SNX29: variants seen among roughly 807,000 people sequenced by gnomAD.
The protein encoded by SNX29 is sorting nexin 29, also known as sorting nexin-29.
Under a neutral mutation model 102.1 loss-of-function variants are expected in SNX29, and 78 were observed. That is an observed-to-expected ratio of 0.76 (90% CI 0.64 to 0.92). SNX29 has a LOEUF of 0.92. Among genes scored for constraint, SNX29 ranks in the 40% least tolerant of loss-of-function variants. The probability of loss-of-function intolerance (pLI) is 0.00; values close to 1 mark genes in which losing one functional copy is unlikely to be tolerated. For synonymous variants in SNX29, 580 were observed against 414.5 expected (o/e 1.40, Z -4.85); for missense variants, 1,280 against 1,061.7 (o/e 1.21, Z -2.86).
At chr16:12,463,273 T>G (rs1211673849) in intron 18 of SNX29, among the ~76,000 whole-genome samples, 1 of 152,114 alleles carries the variant, frequency 6.6e-6, no homozygotes, top group African/African-American at 2.4e-5. Flanking sequence ...AGGCTAGAAG[T>G]TTTTCATTGC....
intron 13 of SNX29, among the ~76,000 whole-genome samples, chr16:12,198,007 C>G (rs1337517955): frequency 6.6e-6 from 1 of 152,078 alleles, no homozygotes; most frequent in East Asian, 1.9e-4. Flanking sequence ...CAGTGTTTGG[C>G]GTATCTATAG....
intron 18 of SNX29, chr16:12,442,983 A>C: frequency 2.2e-6 from 1 of 455,528 alleles, no homozygotes; most frequent in Non-Finnish European, 4.4e-6. Flanking sequence ...TTTTCTTTTG[A>C]TTTTTTTCCA....
intron 20 of SNX29, chr16:12,526,926 G>C: frequency 2.5e-6 from 1 of 393,092 alleles, no homozygotes; most frequent in Non-Finnish European, 4.8e-6. Flanking sequence ...AGTCAGCACG[G>C]AGAGAGAAAC....
At position 12,491,512 on chromosome 16, in the gene SNX29, T is replaced by TG. The variant is rs35848047; in HGVS notation, c.2178+13653_2178+13654insG. Among the ~76,000 whole-genome samples, 373 of 151,070 alleles carry TG rather than the reference T, an allele frequency of 2.5e-3. 3 individuals carry two copies. The highest frequency in any genetic ancestry group is 6.8e-3 in the Middle Eastern group (2 of 294). On this transcript the variant is annotated intron_variant, in intron 19 of 20. Transcript: ENST00000566228. Reference sequence around the variant, plus strand: ...TATCTCATTTTGTTGCTGCTGTTGTTTTTTTTTATGTGACTTATTTTTTTT... The same window carrying TG: ...TATCTCATTTTGTTGCTGCTGTTGTTGTTTTTTTATGTGACTTATTTTTTTT...
chr16:12,262,102 T>A (rs1567370860), intron 14 of SNX29, among the ~76,000 whole-genome samples: 1 of 149,288 alleles, frequency 6.7e-6, no homozygotes, highest in Non-Finnish European at 1.5e-5. Context: ...CTGAAGTAAG[T>A]GTTTGCTCTG....
At chr16:12,546,047 A>C (rs927130706) in intron 20 of SNX29, among the ~76,000 whole-genome samples, 1 of 152,184 alleles carries the variant, frequency 6.6e-6, no homozygotes, top group Non-Finnish European at 1.5e-5. Context: ...AGTACACATG[A>C]TGGGAGTGAA....
intron 13 of SNX29, among the ~76,000 whole-genome samples, chr16:12,133,245 T>G (rs1190141391): frequency 6.6e-6 from 1 of 151,246 alleles, no homozygotes; most frequent in Non-Finnish European, 1.5e-5. Flanking sequence ...CTTGGATGAA[T>G]TACTTAACTT....
intron 20 of SNX29, among the ~76,000 whole-genome samples, chr16:12,542,022 G>A (rs1409533402): frequency 1.3e-5 from 2 of 152,098 alleles, no homozygotes; most frequent in Admixed American, 6.6e-5. Flanking sequence ...GCACCGCTCT[G>A]TTTTTTCTTT....
chr16:12,512,923 G>A (rs149840284), intron 19 of SNX29, among the ~76,000 whole-genome samples: 7 of 152,256 alleles, frequency 4.6e-5, no homozygotes, highest in Non-Finnish European at 8.8e-5. Flanking sequence ...CAAAGCACTT[G>A]TTTGGGAAGT....
At position 12,498,280 on chromosome 16, in the gene SNX29, G is replaced by A. The variant is rs9936453; in HGVS notation, c.2178+20421G>A. On this transcript the variant is annotated intron_variant, in intron 19 of 20. Transcript: ENST00000566228. ...GGTACACGTGGCAGAGCATGTGCAC[G>A]TTAGCAGGTGAGGCAAAACAGCAAG... 3.2e-3 allele frequency among the ~76,000 whole-genome samples: 489 copies of A among 152,278 alleles called. 7 individuals are homozygous for A. The highest frequency in any genetic ancestry group is 0.011 in the African/African-American group (451 of 41,546).
chr16:12,541,320 A>T (rs1260878907), intron 20 of SNX29, among the ~76,000 whole-genome samples: 2 of 152,168 alleles, frequency 1.3e-5, no homozygotes, highest in Non-Finnish European at 2.9e-5. Context: ...CTGATGGAGG[A>T]CTTCTGAGTG....
At chr16:12,543,281 G>A (rs2077426868) in intron 20 of SNX29, among the ~76,000 whole-genome samples, 1 of 152,200 alleles carries the variant, frequency 6.6e-6, no homozygotes, top group African/African-American at 2.4e-5. Context: ...GCATGCATCT[G>A]GGTCCGTGCC....
intron 16 of SNX29, chr16:12,372,606 A>G (rs1344717883): frequency 2.0e-5 from 3 of 152,188 alleles, no homozygotes; most frequent in Non-Finnish European, 4.4e-5. Context: ...AAGAATGAGC[A>G]ATGAGTAAGA....
At chr16:12,471,337 A>G (rs886446946) in intron 18 of SNX29, among the ~76,000 whole-genome samples, 1 of 152,206 alleles carries the variant, frequency 6.6e-6, no homozygotes. Flanking sequence ...CGTGTACAAA[A>G]TGTTGTCCTG....
chr16:12,382,043 C>G (rs1172064222), intron 16 of SNX29, among the ~76,000 whole-genome samples: 1 of 152,004 alleles, frequency 6.6e-6, no homozygotes, highest in Non-Finnish European at 1.5e-5. Context: ...CTTCAAGCAG[C>G]TTCCAAAACC....
chr16:12,356,939 G>C (rs2082152392), intron 16 of SNX29, among the ~76,000 whole-genome samples: 1 of 152,220 alleles, frequency 6.6e-6, no homozygotes, highest in African/African-American at 2.4e-5. Context: ...ATCACCCCTG[G>C]TTGAGATTCG....
At chr16:12,074,289 A>G (rs1001621207) in intron 10 of SNX29, among the ~76,000 whole-genome samples, 1 of 151,408 alleles carries the variant, frequency 6.6e-6, no homozygotes, top group Non-Finnish European at 1.5e-5. Context: ...TTTTGGCATG[A>G]TTTTGCAGTG....
chr16:12,104,853 C>G (rs373185171), intron 11 of SNX29, among the ~76,000 whole-genome samples: 51 of 152,304 alleles, frequency 3.3e-4, no homozygotes, highest in African/African-American at 1.1e-3. Flanking sequence ...GCTTTCCAGA[C>G]ATAAGATCCA....
chr16:12,446,554 G>C (rs904087413), intron 18 of SNX29, among the ~76,000 whole-genome samples: 2 of 152,212 alleles, frequency 1.3e-5, no homozygotes, highest in African/African-American at 2.4e-5. Context: ...AGAGGAGTCA[G>C]AGGAGCTTAT....
Sources: gnomAD v4.1 joint callset for allele counts (sites outside exome capture counted in the v4.1 genomes callset) on GRCh38, gnomAD v4.1.1 for gene constraint, MANE v1.5 for transcripts, NCBI Gene and HGNC (gene_info 2026-07-23, HGNC 2026-07-21) for gene names.